SCLY: variants seen among roughly 807,000 people sequenced by gnomAD.
SCLY encodes selenocysteine lyase.
In SCLY, 38 loss-of-function variants were observed where a neutral mutation model predicts 50.1. The observed-to-expected ratio is 0.76, with a 90% CI of 0.59 to 0.99. The LOEUF (loss-of-function observed/expected upper bound fraction) is 0.99, where lower values mean the gene tolerates loss of function less well. Ranked by LOEUF, SCLY falls within the 50% of genes least tolerant of loss-of-function variation. The pLI, the probability that SCLY is intolerant of heterozygous loss-of-function variation, is 0.00. For missense variants in SCLY, 600 were observed against 620.0 expected, an observed-to-expected ratio of 0.97 and a Z score of 0.34; for synonymous variants, 243 against 249.4, an observed-to-expected ratio of 0.97 and a Z score of 0.24.
chr2:238,082,276 G>A (rs983461702), intron 6 of SCLY, 67 bp downstream of exon 6: 24 of 1,465,506 alleles, frequency 1.6e-5, no homozygotes, highest in African/African-American at 1.4e-4. Flanking sequence ...TTTACTCCTC[G>A]GTCCGTAAGC....
rs1169493663 is a variant in SCLY, at chr2:238,067,088, A to G, written c.203-977A>G. 2.0e-5 allele frequency among the ~76,000 whole-genome samples: 3 copies of G among 152,122 alleles called. No homozygotes were observed. ...AATTCAAGATGAGATTTGGGTGGGG[A>G]CACAGCCAAACCATTATCACTGAGA... On this transcript the variant is annotated intron_variant, in intron 2 of 11. Transcript: ENST00000254663. This position sits in a 1 kb window ranked among gnomAD's most constrained non-coding sequence, Gnocchi z 4.3.
intron 7 of SCLY, among the ~76,000 whole-genome samples, chr2:238,086,668 T>C (rs990063755): frequency 7.1e-6 from 1 of 140,854 alleles, no homozygotes. Flanking sequence ...ATCACACCAT[T>C]GCACTCCAGC....
chr2:238,085,867 A>C (rs1192070666), intron 7 of SCLY, among the ~76,000 whole-genome samples: 1 of 152,224 alleles, frequency 6.6e-6, no homozygotes, highest in Non-Finnish European at 1.5e-5. Flanking sequence ...ATGGCTAAAA[A>C]ATTTCCTGAA....
At chr2:238,081,197 G>A (rs1316994763) in intron 4 of SCLY, 1 of 152,584 alleles carries the variant, frequency 6.6e-6, no homozygotes, top group Non-Finnish European at 1.5e-5. Flanking sequence ...AGGATCCTGA[G>A]TGGGCAGTGG....
intron 10 of SCLY, 150 bp from the exon 11 acceptor site, chr2:238,096,651 T>A: frequency 1.2e-6 from 1 of 810,904 alleles, no homozygotes; most frequent in East Asian, 2.7e-5. Flanking sequence ...CTGTGAGATC[T>A]CTCCCCAGCT....
chr2:238,086,279 T>C (rs1204151614), intron 7 of SCLY, among the ~76,000 whole-genome samples: 2 of 152,208 alleles, frequency 1.3e-5, no homozygotes, highest in Non-Finnish European at 2.9e-5. Context: ...TTACGTTTGA[T>C]AGCAGAAGCA....
At position 238,061,160 on chromosome 2, in the gene SCLY, C is replaced by T. The variant is rs1374868996; in HGVS notation, c.89+17C>T. On this transcript the variant is annotated intron_variant, in intron 1 of 11. Coordinates refer to ENST00000254663, the MANE Select transcript of SCLY (RefSeq NM_016510.7). ...GCCGGAGAGGTGCGCGCCTTTAGGGCAGGGCTGGGGAGCGGCCGGCGCCTG... is the reference window on the plus strand; with the variant it reads ...GCCGGAGAGGTGCGCGCCTTTAGGGTAGGGCTGGGGAGCGGCCGGCGCCTG... 3.4e-6 allele frequency: 5 copies of T among 1,490,726 alleles called. No individual in the cohort carries two copies. Among genetic ancestry groups the T allele is most frequent in the Non-Finnish European group, 4.5e-6 (5 of 1,111,426 alleles). 92.3% of individuals were successfully genotyped at this position (1,490,726 alleles called of 1,614,324 possible).
chr2:238,086,677 G>C (rs1360806369), intron 7 of SCLY, among the ~76,000 whole-genome samples: 1 of 144,956 alleles, frequency 6.9e-6, no homozygotes, highest in Non-Finnish European at 1.5e-5. Context: ...TTGCACTCCA[G>C]CCTGGGCAAC....
In SCLY at chr2:238,068,159, C is replaced by A; in HGVS notation, c.297C>A (p.Gly99=). 1 of 1,603,884 alleles carries A rather than the reference C, an allele frequency of 6.2e-7. No individual in the cohort carries two copies. The highest frequency in any genetic ancestry group is 8.5e-7 in the Non-Finnish European group (1 of 1,173,460). Residue 99 remains glycine (G), a synonymous_variant, in exon 3 of 12, where the codon GGC becomes GGA. Coordinates refer to ENST00000254663, the MANE Select transcript of SCLY (RefSeq NM_016510.7). The stretch of plus-strand genomic sequence containing the variant: ...AAGATATAATCTTCACTTCCGGGGG[C>A]ACTGAGGTAAAGCTTCTGAACACAC... ...KPQDIIFTSG[G]TESNNLVIHS...
intron 4 of SCLY, 132 bp from the exon 5 acceptor site, chr2:238,081,577 T>A: frequency 7.7e-7 from 1 of 1,303,088 alleles, no homozygotes; most frequent in Non-Finnish European, 1.1e-6. Flanking sequence ...CTTATATTCT[T>A]CTTTATAGTC....
At chr2:238,065,660 T>TTTTTTTTTTTTA in intron 2 of SCLY, among the ~76,000 whole-genome samples, 1 of 143,506 alleles carries the variant, frequency 7.0e-6, no homozygotes, top group Admixed American at 6.9e-5. Context: ...AATATTTTAT[T>TTTTTTTTTTTTA]TTATTATTAT....
intron 4 of SCLY, among the ~76,000 whole-genome samples, chr2:238,075,472 T>C (rs997980815): frequency 4.6e-5 from 7 of 152,220 alleles, no homozygotes; most frequent in African/African-American, 1.7e-4. Context: ...CTTTAAATAT[T>C]TGATAGAGTT....
intron 2 of SCLY, among the ~76,000 whole-genome samples, chr2:238,065,313 G>A (rs979606120): frequency 1.3e-5 from 2 of 152,190 alleles, no homozygotes; most frequent in African/African-American, 4.8e-5. Flanking sequence ...CTAATCTTCT[G>A]CACATTGCCT....
chr2:238,098,048 T>C, intron 11 of SCLY, 154 bp from the exon 12 acceptor site: 1 of 817,950 alleles, frequency 1.2e-6, no homozygotes, highest in Non-Finnish European at 1.9e-6. Context: ...GGGGTGTGCT[T>C]GGTCTGGGAG....
intron 7 of SCLY, among the ~76,000 whole-genome samples, chr2:238,090,645 T>A (rs2065352133): frequency 2.0e-5 from 3 of 152,144 alleles, no homozygotes; most frequent in Non-Finnish European, 4.4e-5. Flanking sequence ...AAAAAAAAAT[T>A]AAGAAATTAA....
chr2:238,085,739 G>A (rs2065289369), intron 7 of SCLY, among the ~76,000 whole-genome samples: 2 of 151,858 alleles, frequency 1.3e-5, no homozygotes, highest in Admixed American at 1.3e-4. Context: ...TAAAAAGAAT[G>A]GGGTTTAAAA....
At chr2:238,091,553 TCCC>T in intron 8 of SCLY, 13 of 338,886 alleles carry the variant, frequency 3.8e-5, no homozygotes, top group Admixed American at 1.3e-4. Context: ...GGTTCACCAT[TCCC>T]AAAGGCGTCG....
intron 4 of SCLY, among the ~76,000 whole-genome samples, chr2:238,074,170 G>A (rs2065151597): frequency 6.6e-6 from 1 of 152,012 alleles, no homozygotes; most frequent in South Asian, 2.1e-4. Context: ...GCCATGAGTG[G>A]TGGCACATAC....
At chr2:238,095,521 A>G (rs549142618) in intron 10 of SCLY, 1 of 152,332 alleles carries the variant, frequency 6.6e-6, no homozygotes, top group African/African-American at 2.4e-5. Flanking sequence ...TGTTTGGCCC[A>G]TGAAGAAGAA....
Sources: gnomAD v4.1 joint callset for allele counts (sites outside exome capture counted in the v4.1 genomes callset) on GRCh38, gnomAD v4.1.1 for gene constraint, Gnocchi (gnomAD v3.1) non-coding constraint, MANE v1.5 for transcripts, NCBI Gene and HGNC (gene_info 2026-07-23, HGNC 2026-07-21) for gene names.